Variants in CD59 observed in about 807,000 individuals in gnomAD.
The protein encoded by CD59 is CD59 glycoprotein.
CD59 carries 3 observed loss-of-function variants against 7.0 expected under a neutral mutation model. The ratio of observed to expected loss-of-function variants is 0.43; its 90% CI spans 0.19 to 1.10. The LOEUF is 1.10. CD59 is among the 50% of genes least tolerant of loss of function. The pLI is 0.29. For missense variants in CD59, 143 were observed against 151.0 expected (o/e 0.95, Z 0.28); for synonymous variants, 60 against 62.0 (o/e 0.97, Z 0.15).
chr11:33,715,198 A>T (rs955594359), intron 3 of CD59, among the ~76,000 whole-genome samples: 1 of 152,110 alleles, frequency 6.6e-6, no homozygotes, highest in Non-Finnish European at 1.5e-5. Flanking sequence ...TATAATTATC[A>T]AAATATCAAG....
rs762610976 is a variant in CD59, at chr11:33,710,348, G to A, written c.170-5C>T. ...ACTTGTTATACACTTGTAACCCTGT[G>A]GGGAGACACACACAAGGGTAAGAAA... On this transcript the variant is annotated splice_region_variant and splice_polypyrimidine_tract_variant and intron_variant, in intron 3 of 3. Transcript: ENST00000642928. 44 of 1,608,078 alleles carry A rather than the reference G, an allele frequency of 2.7e-5. No individual in the cohort carries two copies. Among genetic ancestry groups the A allele is most frequent in the South Asian group, 4.4e-5 (4 of 90,942 alleles).
chr11:33,735,664 TC>T (rs1021229328), intron 1 of CD59, among the ~76,000 whole-genome samples: 5 of 152,034 alleles, frequency 3.3e-5, no homozygotes, highest in Non-Finnish European at 7.4e-5. Context: ...ACACCTGTAA[TC>T]CCAACACTTT....
intron 3 of CD59, among the ~76,000 whole-genome samples, chr11:33,714,715 A>T (rs898434466): frequency 6.6e-6 from 1 of 152,174 alleles, no homozygotes; most frequent in Non-Finnish European, 1.5e-5. Context: ...ATTTAAAAAA[A>T]TTTTTAAAAA....
chr11:33,718,300 T>C (rs1416212087), intron 2 of CD59: 2 of 152,196 alleles, frequency 1.3e-5, no homozygotes, highest in Non-Finnish European at 2.9e-5. Flanking sequence ...CTGGCCAACA[T>C]AGCGAAACCC....
At chr11:33,729,495 C>CAT (rs1439810715) in intron 1 of CD59, among the ~76,000 whole-genome samples, 1 of 151,492 alleles carries the variant, frequency 6.6e-6, no homozygotes, top group Non-Finnish European at 1.5e-5. Flanking sequence ...GGGAGGGGAA[C>CAT]ATCAGACACC....
chr11:33,720,683 C>T (rs1214510227), intron 2 of CD59, among the ~76,000 whole-genome samples: 3 of 152,158 alleles, frequency 2.0e-5, no homozygotes, highest in African/African-American at 4.8e-5. Context: ...GAGCCGAGAT[C>T]GCGCCACTGC....
chr11:33,731,779 T>G (rs1854424670), intron 1 of CD59, among the ~76,000 whole-genome samples: 2 of 150,842 alleles, frequency 1.3e-5, no homozygotes, highest in Admixed American at 1.3e-4. Context: ...TCTTAAATAT[T>G]TAGGAGCCGC....
At chr11:33,720,098 G>A (rs1853987886) in intron 2 of CD59, among the ~76,000 whole-genome samples, 1 of 152,154 alleles carries the variant, frequency 6.6e-6, no homozygotes, top group Non-Finnish European at 1.5e-5. Flanking sequence ...GAACGTCTGT[G>A]GGCAAAAATA....
chr11:33,716,868 T>C (rs891486917), intron 3 of CD59, among the ~76,000 whole-genome samples: 5 of 152,218 alleles, frequency 3.3e-5, no homozygotes, highest in Non-Finnish European at 5.9e-5. Context: ...TCCTCAGGAC[T>C]CTGAATATAC....
chr11:33,707,284 A>C lies in CD59; in HGVS notation c.*2842T>G, dbSNP rs959243864. On this transcript the variant is annotated 3_prime_UTR_variant, in exon 4 of 4. Transcript: ENST00000642928. ...TACCAAGAGAACTCAGATGTATAAA[A>C]GTGGTTAATTCTGTCAAGAGGCCCA... 1.3e-5 allele frequency: 2 copies of C among 152,216 alleles called. No individual in the cohort carries two copies. The highest frequency in any genetic ancestry group is 4.8e-5 in the African/African-American group (2 of 41,460). The allele number at this position is 152,216 out of a possible 1,614,324, so 9.4% of individuals were successfully genotyped here.
Position 33,716,951 on chromosome 11 carries a change from T to C in CD59, c.169+419A>G, listed in dbSNP as rs974409047. Among the ~76,000 whole-genome samples the C allele has an allele frequency of 1.4e-4, 21 of 152,362 alleles. 2 individuals are homozygous for C. The highest frequency in any genetic ancestry group is 7.2e-4 in the Admixed American group (11 of 15,310). On this transcript the variant is annotated intron_variant, in intron 3 of 3. Coordinates refer to ENST00000642928, the MANE Select transcript of CD59 (RefSeq NM_000611.6). ...ACAGCCAAACAGGCCTTTGTCATAA[T>C]TTTAATTGTATGTGTCCTTTCTTTA...
At chr11:33,732,571 T>C (rs1247292834) in intron 1 of CD59, among the ~76,000 whole-genome samples, 2 of 152,200 alleles carry the variant, frequency 1.3e-5, no homozygotes, top group Non-Finnish European at 2.9e-5. Flanking sequence ...AGTGTGAGAA[T>C]GGACTAATAC....
chr11:33,717,604 A>G (rs1431704852), intron 2 of CD59, 133 bp from the exon 3 acceptor site: 8 of 687,168 alleles, frequency 1.2e-5, no homozygotes, highest in African/African-American at 1.8e-5. Flanking sequence ...AATGTATAGC[A>G]GTTATATCTT....
At chr11:33,723,825 G>A (rs1449183252) in intron 1 of CD59, among the ~76,000 whole-genome samples, 1 of 152,134 alleles carries the variant, frequency 6.6e-6, no homozygotes, top group Non-Finnish European at 1.5e-5. Context: ...AAGTGAGCAG[G>A]GAGAGGAAGG....
At position 33,709,380 on chromosome 11, in the gene CD59, TG is replaced by T. The variant is rs1279729907; in HGVS notation, c.*745del. Reference sequence around the variant, plus strand: ...TGTAGTAGAGTGTTCACTCTGTAACTGTGTGTGGCAAAGCCAAGATATCCTA... The same window carrying T: ...TGTAGTAGAGTGTTCACTCTGTAACTTGTGTGGCAAAGCCAAGATATCCTA... On this transcript the variant is annotated 3_prime_UTR_variant, in exon 4 of 4. Coordinates refer to ENST00000642928, the MANE Select transcript of CD59 (RefSeq NM_000611.6). 6.4e-6 allele frequency: 1 copy of T among 155,940 alleles called. No individual in the cohort carries two copies. The highest frequency in any genetic ancestry group is 1.4e-5 in the Non-Finnish European group (1 of 70,366). 9.7% of individuals were successfully genotyped at this position (155,940 alleles called of 1,614,324 possible).
Position 33,722,386 on chromosome 11 carries a change from G to C in CD59, c.60C>G (p.Cys20Trp). ...TGAGACTGGAGCACTCACCTGAATGGCAGAAGACAGCCAGGACGAGCAGCA... is the reference window on the plus strand; with the variant it reads ...TGAGACTGGAGCACTCACCTGAATGCCAGAAGACAGCCAGGACGAGCAGCA... ...FGLLLVLAVF[C>W]HSGHSLQCYN... The change falls in exon 2 of 4, where the codon TGC (cysteine) becomes TGG (tryptophan). Residue 20 changes from cysteine to tryptophan, a missense_variant. Cys to Trp is a radical substitution (Grantham distance 215). Coordinates refer to ENST00000642928, the MANE Select transcript of CD59 (RefSeq NM_000611.6). 1 of 1,612,000 alleles carries C rather than the reference G, an allele frequency of 6.2e-7. No homozygotes were observed. Among genetic ancestry groups the C allele is most frequent in the Non-Finnish European group, 8.5e-7 (1 of 1,178,044 alleles).
At chr11:33,727,036 C>T (rs1789989844) in intron 1 of CD59, among the ~76,000 whole-genome samples, 1 of 152,104 alleles carries the variant, frequency 6.6e-6, no homozygotes, top group African/African-American at 2.4e-5. Flanking sequence ...TAATTAATAG[C>T]CTACCAACCA....
At chr11:33,717,157 C>T (rs1853832116) in intron 3 of CD59, among the ~76,000 whole-genome samples, 1 of 152,178 alleles carries the variant, frequency 6.6e-6, no homozygotes, top group Admixed American at 6.5e-5. Flanking sequence ...TCCATTTCCA[C>T]ATTTATCAAA....
rs1471231244 is a variant in CD59 at position 33,708,900 on chromosome 11, T to C, written c.*1226A>G. The C allele has an allele frequency of 3.9e-5, 6 of 152,338 alleles. No homozygotes were observed. Among genetic ancestry groups the C allele is most frequent in the Middle Eastern group, 3.4e-3 (1 of 294 alleles). The allele number at this position is 152,338 out of a possible 1,614,324, so 9.4% of individuals were successfully genotyped here. A position where few individuals can be genotyped will look rare whatever the true frequency, so the allele number is the denominator to read the frequency against. Reference sequence around the variant, plus strand: ...ACAGAGTATAATCAAGGGTTTTTTTTCAACATTAATCAAGAAATTCCTCCA... The same window carrying C: ...ACAGAGTATAATCAAGGGTTTTTTTCCAACATTAATCAAGAAATTCCTCCA... On this transcript the variant is annotated 3_prime_UTR_variant, in exon 4 of 4. Transcript: ENST00000642928.
Sources: gnomAD v4.1 joint callset for allele counts (sites outside exome capture counted in the v4.1 genomes callset) on GRCh38, gnomAD v4.1.1 for gene constraint, MANE v1.5 for transcripts, NCBI Gene and HGNC (gene_info 2026-07-23, HGNC 2026-07-21) for gene names.